Variants in HSD17B12 observed in about 807,000 individuals in gnomAD.
HSD17B12 encodes hydroxysteroid 17-beta dehydrogenase 12.
Under a neutral mutation model 39.3 loss-of-function variants are expected in HSD17B12, and 32 were observed. The ratio of observed to expected loss-of-function variants is 0.81; its 90% CI spans 0.61 to 1.09. The LOEUF is 1.09. HSD17B12 is among the 50% of genes least tolerant of loss of function. The pLI is 0.00. For synonymous variants in HSD17B12, 150 were observed against 146.7 expected (o/e 1.02, Z -0.16); for missense variants, 342 against 382.9 (o/e 0.89, Z 0.89).
chr11:43,616,614 A>C, the HSD17B12 span, among the ~76,000 whole-genome samples: 1 of 151,454 alleles, frequency 6.6e-6, no homozygotes, highest in East Asian at 1.9e-4. Flanking sequence ...ATTTATCTTC[A>C]TTTTACAGAT....
chr11:43,706,984 A>T (rs12577642), intron 1 of HSD17B12, among the ~76,000 whole-genome samples: 46,253 of 151,886 alleles, frequency 0.3, 7,186 homozygotes, highest in Middle Eastern at 0.32. Context: ...TCTGCCCCTT[A>T]TTTGGTACTG....
chr11:43,728,509 C>A (rs1950241127), intron 1 of HSD17B12, among the ~76,000 whole-genome samples: 1 of 151,946 alleles, frequency 6.6e-6, no homozygotes, highest in African/African-American at 2.4e-5. Context: ...TATTTATATT[C>A]CTCTACCTAG....
At chr11:43,657,265 T>C in the HSD17B12 span, among the ~76,000 whole-genome samples, 1 of 152,234 alleles carries the variant, frequency 6.6e-6, no homozygotes, top group South Asian at 2.1e-4. Flanking sequence ...TAGATCTTCC[T>C]CCATCCCTTT....
At chr11:43,784,250 A>T (rs1361028261) in intron 3 of HSD17B12, among the ~76,000 whole-genome samples, 1 of 151,740 alleles carries the variant, frequency 6.6e-6, no homozygotes, top group African/African-American at 2.4e-5. Flanking sequence ...ATGCTTTTTC[A>T]TACAATGTCT....
intron 3 of HSD17B12, among the ~76,000 whole-genome samples, chr11:43,782,561 AG>A (rs1353888022): frequency 6.6e-6 from 1 of 151,916 alleles, no homozygotes; most frequent in African/African-American, 2.4e-5. Flanking sequence ...CTGTAGTCCC[AG>A]CTACTTGTGA....
At chr11:43,787,070 T>G (rs1261333315) in intron 3 of HSD17B12, among the ~76,000 whole-genome samples, 1 of 152,130 alleles carries the variant, frequency 6.6e-6, no homozygotes, top group African/African-American at 2.4e-5. Flanking sequence ...ACCTCCAGAA[T>G]AGCTGGGATT....
chr11:43,582,975 G>A, the HSD17B12 span, among the ~76,000 whole-genome samples: 1 of 152,206 alleles, frequency 6.6e-6, no homozygotes, highest in African/African-American at 2.4e-5. Context: ...CTCACCTGGG[G>A]CCGTCTGTGG....
chr11:43,735,455 G>A (rs956787950), intron 1 of HSD17B12, among the ~76,000 whole-genome samples: 7 of 152,112 alleles, frequency 4.6e-5, no homozygotes, highest in Non-Finnish European at 8.8e-5. Flanking sequence ...AAAAATTACG[G>A]TCAACCTAGT....
At chr11:43,767,154 C>A (rs1036086743) in intron 3 of HSD17B12, among the ~76,000 whole-genome samples, 4 of 151,508 alleles carry the variant, frequency 2.6e-5, no homozygotes, top group Non-Finnish European at 4.4e-5. Context: ...TTCTTTAAAA[C>A]AGTAAAGGGT....
At chr11:43,765,926 C>G (rs1006961710) in intron 3 of HSD17B12, among the ~76,000 whole-genome samples, 2 of 152,078 alleles carry the variant, frequency 1.3e-5, no homozygotes, top group Admixed American at 6.5e-5. Flanking sequence ...CTCTGCCTCC[C>G]GGGTTCACGC....
the HSD17B12 span, among the ~76,000 whole-genome samples, chr11:43,657,313 T>C: frequency 4.4e-3 from 672 of 152,332 alleles, 3 homozygotes; most frequent in African/African-American, 0.015. Flanking sequence ...GTGAAATGGG[T>C]TTCCTGAATA....
At chr11:43,638,573 A>G in the HSD17B12 span, among the ~76,000 whole-genome samples, 1 of 152,216 alleles carries the variant, frequency 6.6e-6, no homozygotes, top group Non-Finnish European at 1.5e-5. Context: ...GGTTTTCTTA[A>G]ACGGAAAGGG....
chr11:43,660,003 C>G, the HSD17B12 span, among the ~76,000 whole-genome samples: 2 of 152,132 alleles, frequency 1.3e-5, no homozygotes, highest in African/African-American at 2.4e-5. Context: ...TCACTCCACG[C>G]CTGCTAGCCA....
the HSD17B12 span, among the ~76,000 whole-genome samples, chr11:43,653,873 G>GT: frequency 1.3e-5 from 2 of 152,310 alleles, no homozygotes; most frequent in East Asian, 3.9e-4. Context: ...ATGTGCATGT[G>GT]TCTTTATAGC....
intron 1 of HSD17B12, among the ~76,000 whole-genome samples, chr11:43,742,990 C>T (rs1950382941): frequency 6.6e-6 from 1 of 152,088 alleles, no homozygotes; most frequent in African/African-American, 2.4e-5. Context: ...AAAGTCCTAA[C>T]CATGAAATGG....
chr11:43,808,618 C>T (rs947237981), intron 4 of HSD17B12, among the ~76,000 whole-genome samples: 1 of 152,190 alleles, frequency 6.6e-6, no homozygotes, highest in African/African-American at 2.4e-5. Flanking sequence ...ATTCCCTCTT[C>T]CAATTTTATG....
intron 1 of HSD17B12, among the ~76,000 whole-genome samples, chr11:43,704,615 C>T (rs1442605687): frequency 1.3e-5 from 2 of 152,146 alleles, no homozygotes; most frequent in African/African-American, 4.8e-5. Flanking sequence ...TCTTGATTAG[C>T]TTAAGCTTAT....
the HSD17B12 span, among the ~76,000 whole-genome samples, chr11:43,568,147 G>C: frequency 1.4e-4 from 21 of 151,956 alleles, no homozygotes; most frequent in Admixed American, 4.6e-4. Flanking sequence ...GCCCGGGACG[G>C]AGTGTGCAGT....
At chr11:43,715,664 C>G (rs924219463) in intron 1 of HSD17B12, among the ~76,000 whole-genome samples, 1 of 152,110 alleles carries the variant, frequency 6.6e-6, no homozygotes, top group Non-Finnish European at 1.5e-5. Flanking sequence ...AGGATTTCCT[C>G]TTTTTCTATT....
Sources: allele counts gnomAD v4.1 joint callset (sites outside exome capture counted in the v4.1 genomes callset), GRCh38; gene constraint gnomAD v4.1.1; transcripts MANE v1.5; gene names NCBI Gene and HGNC (gene_info 2026-07-23, HGNC 2026-07-21).